The following BAHD1 variants were observed in gnomAD, a reference collection of about 807,000 sequenced individuals.
BAHD1 encodes the protein bromo adjacent homology domain-containing 1 protein.
BAHD1 carries 20 observed loss-of-function variants against 63.1 expected under a neutral mutation model. That is an observed-to-expected ratio of 0.32 (90% CI 0.22 to 0.46). The LOEUF (loss-of-function observed/expected upper bound fraction) is 0.46. BAHD1 is among the 20% of genes least tolerant of loss of function. The probability of loss-of-function intolerance (pLI) is 1.00; values close to 1 mark genes in which losing one functional copy is unlikely to be tolerated. For missense variants in BAHD1, 939 were observed against 1,071.8 expected (o/e 0.88, Z 1.73); for synonymous variants, 408 against 426.8 (o/e 0.96, Z 0.54).
upstream of BAHD1, among the ~76,000 whole-genome samples, chr15:40,437,815 T>C (rs7180216): frequency 6.6e-6 from 1 of 152,096 alleles, no homozygotes; most frequent in African/African-American, 2.4e-5. Flanking sequence ...GGGGAGGTGC[T>C]GGGGCTGGGC....
At position 40,463,882 on chromosome 15, in the gene BAHD1, C is replaced by T; in HGVS notation, c.1837C>T (p.Arg613Ter). 1 of 1,614,152 alleles carries T rather than the reference C, an allele frequency of 6.2e-7. No individual in the cohort carries two copies. Among genetic ancestry groups the T allele is most frequent in the Non-Finnish European group, 8.5e-7 (1 of 1,180,016 alleles). Residue 613 changes from arginine (R) to a stop codon, truncating the protein, a stop_gained, in exon 4 of 7, where the codon CGA becomes TGA. Transcript: ENST00000416165. LOFTEE classifies it high-confidence loss of function. ...CTAGGATGAGCCGGAGCCAGCCATC[C>T]GAAAGAGCTACCAGGCGGTAGAGCG... ...YVLDEPEPAI[R>*]KSYQAVERHG...
intron 5 of BAHD1, chr15:40,465,124 C>T: frequency 1.7e-6 from 1 of 581,310 alleles, no homozygotes; most frequent in Admixed American, 3.0e-5. Flanking sequence ...AGAGCAGATA[C>T]CTGGCTATTC....
At position 40,462,226 on chromosome 15, in the gene BAHD1, C is replaced by T. The variant is rs373800970; in HGVS notation, c.1747C>T (p.Arg583Cys). The T allele has an allele frequency of 5.6e-6, 9 of 1,611,044 alleles. No homozygotes were observed. Among genetic ancestry groups the T allele is most frequent in the African/African-American group, 4.0e-5 (3 of 74,824 alleles). ...TGTCCAGCGCCCACGCCCTCGCCGC[C>T]GCCGTCGCCGCCGCACTAATGGCTG... Reference protein sequence around the residue: ...PRVQRPRPRRRRRRRTNGWVP... With the variant: ...PRVQRPRPRRCRRRRTNGWVP... The change falls in exon 3 of 7, where the codon CGC (arginine) becomes TGC (cysteine). Residue 583 changes from arginine (R) to cysteine (C), a missense_variant. Physicochemically the swap from Arg to Cys is radical, Grantham distance 180 (BLOSUM62 -3). This residue lies in a region of BAHD1 where 797 missense variants were observed against 813.3 expected (regional missense o/e 0.98). Coordinates refer to ENST00000416165, the MANE Select transcript of BAHD1 (RefSeq NM_014952.5).
In BAHD1 at chr15:40,464,545, G is replaced by A. The variant is rs757855963; in HGVS notation, c.2050G>A (p.Glu684Lys). 8.1e-6 allele frequency: 13 copies of A among 1,612,560 alleles called. No homozygotes were observed. Among genetic ancestry groups the A allele is most frequent in the African/African-American group, 5.3e-5 (4 of 74,932 alleles). The change falls in exon 5 of 7, where the codon GAG becomes AAG. Residue 684 changes from glutamate to lysine, a missense_variant and splice_region_variant. Physicochemically the swap from Glu to Lys is moderately conservative, Grantham distance 56. This residue lies in a region of BAHD1 where 31 missense variants were observed against 68.1 expected (regional missense o/e 0.46). Coordinates refer to ENST00000416165, the MANE Select transcript of BAHD1 (RefSeq NM_014952.5). The stretch of plus-strand genomic sequence containing the variant: ...GGGAGGCCGCAGTCCCAGCATGCAC[G>A]AGGTGAGCTGCCTGGCAGATGGGTC... The part of the protein sequence containing the change: ...LQGGRSPSMH[E>K]PLQNEVFASR...
At chr15:40,450,294 G>C (rs1893664363) in intron 1 of BAHD1, among the ~76,000 whole-genome samples, 1 of 152,232 alleles carries the variant, frequency 6.6e-6, no homozygotes, top group South Asian at 2.1e-4. Context: ...GTTCCTCACA[G>C]CTGGTTCATT....
intron 1 of BAHD1, among the ~76,000 whole-genome samples, chr15:40,447,165 G>A (rs1027777102): frequency 6.6e-6 from 1 of 152,192 alleles, no homozygotes; most frequent in African/African-American, 2.4e-5. Context: ...GTGAAGTCAC[G>A]TTTCCACCAT....
At chr15:40,463,431 C>T (rs2141547303) in intron 3 of BAHD1, among the ~76,000 whole-genome samples, 1 of 152,336 alleles carries the variant, frequency 6.6e-6, no homozygotes, top group African/African-American at 2.4e-5. Flanking sequence ...GTATATATCC[C>T]ATCTTCCTAT....
rs1282033360 is a variant in BAHD1, at chr15:40,458,331, G to A, written c.-14-120G>A. The A allele has an allele frequency of 1.5e-6, 2 of 1,331,702 alleles. No homozygotes were observed. 82.5% of individuals were successfully genotyped at this position (1,331,702 alleles called of 1,614,324 possible). ...GAGTCCCAGGAAAATCCATACTGGA[G>A]ACAGGGTAGTTGTAGGCCAGGATCA... On this transcript the variant is annotated intron_variant, in intron 1 of 6. Transcript: ENST00000416165. The surrounding 1 kb of genome is among the most constrained non-coding windows in gnomAD (Gnocchi z 4.7).
intron 1 of BAHD1, among the ~76,000 whole-genome samples, chr15:40,452,781 G>A (rs1029834842): frequency 6.6e-6 from 1 of 151,690 alleles, no homozygotes; most frequent in African/African-American, 2.4e-5. Flanking sequence ...GCAGCTTGAG[G>A]GCCAGAGCAG....
intron 1 of BAHD1, among the ~76,000 whole-genome samples, chr15:40,457,747 C>T (rs1294420968): frequency 2.0e-5 from 3 of 152,202 alleles, no homozygotes; most frequent in Non-Finnish European, 4.4e-5. Flanking sequence ...CAGTGGCTCA[C>T]GCCTGTAATC....
At chr15:40,447,984 T>C (rs907802848) in intron 1 of BAHD1, among the ~76,000 whole-genome samples, 1 of 152,236 alleles carries the variant, frequency 6.6e-6, no homozygotes, top group African/African-American at 2.4e-5. Flanking sequence ...GTGCGGTGGC[T>C]CACGCCTATA....
Position 40,458,470 on chromosome 15 carries a change from A to G in BAHD1, c.6A>G (p.Thr2=), listed in dbSNP as rs1411402807. ...CTGCAGGTTGGAAGTACTCCATGAC[A>G]CACACTCGGAGAAAGTCCCTTCCCA... M[T]HTRRKSLPML... is the part of the protein sequence containing the mutation. The change falls in exon 2 of 7, where the codon ACA becomes ACG. Residue 2 remains threonine, a synonymous_variant. Transcript: ENST00000416165. This position sits in a 1 kb window ranked among gnomAD's most constrained non-coding sequence, Gnocchi z 4.7. 1 of 1,580,540 alleles carries G rather than the reference A, an allele frequency of 6.3e-7. No individual in the cohort carries two copies. The highest frequency in any genetic ancestry group is 1.2e-5 in the South Asian group (1 of 86,436).
In BAHD1 at chr15:40,458,978, C is replaced by A; in HGVS notation, c.514C>A (p.Arg172=). The change falls in exon 2 of 7, where the codon CGG becomes AGG. Residue 172 remains arginine, a synonymous_variant. Coordinates refer to ENST00000416165, the MANE Select transcript of BAHD1 (RefSeq NM_014952.5). The surrounding 1 kb of genome is among the most constrained non-coding windows in gnomAD (Gnocchi z 4.7). ...GGWSSSKKRP[R]LGDLGGGSRD... is the part of the protein sequence containing the mutation. ...CTGGTCCTCCTCCAAGAAGCGGCCC[C>A]GGCTGGGGGACCTTGGAGGAGGAAG... 2 of 1,583,622 alleles carry A rather than the reference C, an allele frequency of 1.3e-6. No individual in the cohort carries two copies. The highest frequency in any genetic ancestry group is 8.6e-7 in the Non-Finnish European group (1 of 1,162,562).
rs74011157 is a variant in BAHD1, at chr15:40,463,664, C to T, written c.1816-197C>T. On this transcript the variant is annotated intron_variant, in intron 3 of 6. Transcript: ENST00000416165. Reference sequence around the variant, plus strand: ...CAGAAGCTTCAGGCCACTTTTCCACCCCTATTCCCTTTTCTCATCCTTTCT... The same window carrying T: ...CAGAAGCTTCAGGCCACTTTTCCACTCCTATTCCCTTTTCTCATCCTTTCT... Among the ~76,000 whole-genome samples, 857 of 152,268 alleles carry T rather than the reference C, an allele frequency of 5.6e-3. 5 individuals are homozygous for T. Among genetic ancestry groups the T allele is most frequent in the African/African-American group, 0.02 (821 of 41,550 alleles).
At position 40,458,372 on chromosome 15, in the gene BAHD1, G is replaced by C. The variant is rs554063788; in HGVS notation, c.-14-79G>C. Reference sequence around the variant, plus strand: ...GCCAGGATCACTGCACCTGGGGCTGGGTAGGCTGCAGTGGGAGAGAAAGCA... The same window carrying C: ...GCCAGGATCACTGCACCTGGGGCTGCGTAGGCTGCAGTGGGAGAGAAAGCA... On this transcript the variant is annotated intron_variant, in intron 1 of 6. Transcript: ENST00000416165. This position sits in a 1 kb window ranked among gnomAD's most constrained non-coding sequence, Gnocchi z 4.7. The C allele has an allele frequency of 2.0e-4, 301 of 1,499,486 alleles. No homozygotes were observed. The African/African-American group carries it at 3.7e-3, about 19-fold the overall frequency. 92.9% of individuals were successfully genotyped at this position (1,499,486 alleles called of 1,614,324 possible). A position where few individuals can be genotyped will look rare whatever the true frequency, so the allele number is the denominator to read the frequency against.
intron 3 of BAHD1, 90 bp from the exon 4 acceptor site, chr15:40,463,771 G>A: frequency 2.1e-6 from 3 of 1,442,168 alleles, no homozygotes; most frequent in Non-Finnish European, 2.8e-6. Flanking sequence ...CTATCTTGAG[G>A]AAATCGTGGA....
chr15:40,463,707 C>T (rs1192883353), intron 3 of BAHD1, among the ~76,000 whole-genome samples, 154 bp from the exon 4 acceptor site: 1 of 152,160 alleles, frequency 6.6e-6, no homozygotes, highest in Non-Finnish European at 1.5e-5. Context: ...TGAGAATTCC[C>T]CAGCCCCATC....
intron 1 of BAHD1, among the ~76,000 whole-genome samples, chr15:40,456,067 G>A (rs1893841263): frequency 1.3e-5 from 2 of 152,210 alleles, no homozygotes; most frequent in African/African-American, 4.8e-5. Flanking sequence ...CCACCTCCTG[G>A]GTTCAAGTGA....
Position 40,462,207 on chromosome 15 carries a change from G to A in BAHD1, c.1728G>A (p.Gln576=). The change falls in exon 3 of 7, where the codon CAG becomes CAA. Residue 576 remains glutamine, a synonymous_variant. Coordinates refer to ENST00000416165, the MANE Select transcript of BAHD1 (RefSeq NM_014952.5). ...GCCACCCCAAGCAGCCACGTGTCCA[G>A]CGCCCACGCCCTCGCCGCCGCCGTC... The part of the protein sequence containing the change: ...RPSHPKQPRV[Q]RPRPRRRRRR... 4 of 1,612,324 alleles carry A rather than the reference G, an allele frequency of 2.5e-6. No homozygotes were observed. The highest frequency in any genetic ancestry group is 2.5e-6 in the Non-Finnish European group (3 of 1,179,688).
Sources: gnomAD v4.1 joint callset for allele counts (sites outside exome capture counted in the v4.1 genomes callset) on GRCh38, gnomAD v4.1.1 for gene constraint, gnomAD v4.1.1 regional missense constraint, Gnocchi (gnomAD v3.1) non-coding constraint, MANE v1.5 for transcripts, NCBI Gene and HGNC (gene_info 2026-07-23, HGNC 2026-07-21) for gene names.